The following FAM163B variants were observed in gnomAD, a reference collection of about 807,000 sequenced individuals.
FAM163B encodes the protein protein FAM163B.
Under a neutral mutation model 7.6 loss-of-function variants are expected in FAM163B, and 4 were observed. The observed-to-expected ratio is 0.52, with a 90% confidence interval of 0.26 to 1.20. FAM163B has a LOEUF of 1.20. Among genes scored for constraint, FAM163B ranks in the 50% most tolerant of loss-of-function variants. FAM163B has a pLI of 0.14. For synonymous variants in FAM163B, 120 were observed against 111.6 expected (o/e 1.07, Z -0.47); for missense variants, 250 against 243.0 (o/e 1.03, Z -0.19).
intron 1 of FAM163B, among the ~76,000 whole-genome samples, chr9:133,583,788 C>T (rs984153966): frequency 6.6e-5 from 10 of 152,328 alleles, no homozygotes; most frequent in Non-Finnish European, 1.3e-4. Flanking sequence ...CCCTCCAACA[C>T]CCAGGCTGGT....
chr9:133,588,534 G>A (rs1440513531), intron 1 of FAM163B, among the ~76,000 whole-genome samples: 1 of 3,236 alleles, frequency 3.1e-4, no homozygotes, highest in Non-Finnish European at 7.0e-4. Context: ...GTGGGGGTGG[G>A]CTCAATGGTA....
At position 133,597,674 on chromosome 9, in the gene FAM163B, C is replaced by G. The variant is rs1831651174; in HGVS notation, c.-24+11403G>C. Among the ~76,000 whole-genome samples, 5 of 151,986 alleles carry G rather than the reference C, an allele frequency of 3.3e-5. No homozygotes were observed. The South Asian group carries it at 1.0e-3, about 32-fold the overall frequency. ...CACAAGAAACAAGAAGAAAACAACA[C>G]CAGGGAACATTATAATCAAATTGCT... is the stretch of plus-strand genomic sequence containing the variant. On this transcript the variant is annotated intron_variant, in intron 1 of 2. Transcript: ENST00000673969.
rs1441101869 is a variant in FAM163B at position 133,577,875 on chromosome 9, G to A, written c.*1147C>T. ...CCAGGAGACCTCAGCCTGGGTGGGC[G>A]CTTGGTGGAAAGTGGGCTCAGATGA... On this transcript the variant is annotated 3_prime_UTR_variant, in exon 3 of 3. Coordinates refer to ENST00000673969, the MANE Select transcript of FAM163B (RefSeq NM_001080515.3). 1.3e-5 allele frequency among the ~76,000 whole-genome samples: 2 copies of A among 152,196 alleles called. No individual in the cohort carries two copies. The highest frequency in any genetic ancestry group is 4.8e-5 in the African/African-American group (2 of 41,446).
At chr9:133,590,437 G>T (rs1287352041) in intron 1 of FAM163B, among the ~76,000 whole-genome samples, 1 of 151,914 alleles carries the variant, frequency 6.6e-6, no homozygotes, top group African/African-American at 2.4e-5. Flanking sequence ...GGGGCTCCCC[G>T]GTGCTTCAGT....
chr9:133,593,153 CT>C lies in FAM163B; in HGVS notation c.-23-12908del, dbSNP rs144820268. ...TGGGACCTGATGAAGGTTTCCCCCC[CT>C]GTATCGCTGTGCCCATTCTGCAGAT... On this transcript the variant is annotated intron_variant, in intron 1 of 2. Coordinates refer to ENST00000673969, the MANE Select transcript of FAM163B (RefSeq NM_001080515.3). 7.0e-3 allele frequency among the ~76,000 whole-genome samples: 1,067 copies of C among 152,348 alleles called. 10 individuals are homozygous for C. Among genetic ancestry groups the C allele is most frequent in the African/African-American group, 0.025 (1,027 of 41,572 alleles).
intron 1 of FAM163B, among the ~76,000 whole-genome samples, chr9:133,591,227 G>A (rs1021709783): frequency 6.6e-6 from 1 of 152,248 alleles, no homozygotes; most frequent in Non-Finnish European, 1.5e-5. Context: ...GCTATGCCCT[G>A]GCACTGGGCC....
chr9:133,588,219 G>A (rs79711692), intron 1 of FAM163B, among the ~76,000 whole-genome samples: 65,980 of 151,894 alleles, frequency 0.43, 15,197 homozygotes, highest in East Asian at 0.9. Flanking sequence ...ACCGAGTCGG[G>A]GATCGTGGGA....
chr9:133,585,205 A>T (rs1831416470), intron 1 of FAM163B, among the ~76,000 whole-genome samples: 1 of 152,138 alleles, frequency 6.6e-6, no homozygotes, highest in African/African-American at 2.4e-5. Flanking sequence ...GGCACCGAGG[A>T]ATGAATGGCG....
At chr9:133,589,102 C>G (rs1831496791) in intron 1 of FAM163B, among the ~76,000 whole-genome samples, 1 of 152,174 alleles carries the variant, frequency 6.6e-6, no homozygotes, top group Admixed American at 6.5e-5. Context: ...CGGAAAATAC[C>G]CCCTGGGAAA....
rs748473725 is a variant in FAM163B at position 133,607,000 on chromosome 9, C to T, written c.-24+2077G>A. ...AGAGCCAGCCCCTAAATATACAAAA[C>T]GGGGGTGATCATGTGAGTAGGGAGT... On this transcript the variant is annotated intron_variant, in intron 1 of 2. Coordinates refer to ENST00000673969, the MANE Select transcript of FAM163B (RefSeq NM_001080515.3). The surrounding 1 kb of genome is among the most constrained non-coding windows in gnomAD (Gnocchi z 4.0). Among the ~76,000 whole-genome samples, 3 of 152,112 alleles carry T rather than the reference C, an allele frequency of 2.0e-5. No individual in the cohort carries two copies. Among genetic ancestry groups the T allele is most frequent in the Admixed American group, 1.3e-4 (2 of 15,282 alleles).
At chr9:133,603,216 G>A (rs2131263303) in intron 1 of FAM163B, among the ~76,000 whole-genome samples, 1 of 152,356 alleles carries the variant, frequency 6.6e-6, no homozygotes, top group East Asian at 1.9e-4. Context: ...TGAGGCCCTT[G>A]ACAAATGCTA....
intron 1 of FAM163B, among the ~76,000 whole-genome samples, chr9:133,603,269 C>T (rs1183003467): frequency 6.6e-6 from 1 of 152,226 alleles, no homozygotes; most frequent in African/African-American, 2.4e-5. Context: ...TCCCCTACTG[C>T]TGTGGGTCCA....
At chr9:133,591,707 G>A (rs1307676167) in intron 1 of FAM163B, among the ~76,000 whole-genome samples, 1 of 152,292 alleles carries the variant, frequency 6.6e-6, no homozygotes, top group Non-Finnish European at 1.5e-5. Flanking sequence ...GCACACTGGG[G>A]GAGCACACTG....
chr9:133,602,481 C>T (rs1831742581), intron 1 of FAM163B, among the ~76,000 whole-genome samples: 1 of 152,102 alleles, frequency 6.6e-6, no homozygotes, highest in African/African-American at 2.4e-5. Context: ...CCTCTTCTGG[C>T]AGCTGGGCAA....
At chr9:133,590,842 A>G (rs1396336555) in intron 1 of FAM163B, among the ~76,000 whole-genome samples, 1 of 152,218 alleles carries the variant, frequency 6.6e-6, no homozygotes, top group Non-Finnish European at 1.5e-5. Context: ...AGGGGCCGAC[A>G]GAACAGCATT....
In FAM163B at chr9:133,601,537, AC is replaced by A. The variant is rs895668044; in HGVS notation, c.-24+7539del. ...CTGGAGTTCCCTTCCGATTACTGAA[AC>A]CCCCATAACTGGAGAATTTCGGGTG... On this transcript the variant is annotated intron_variant, in intron 1 of 2. Coordinates refer to ENST00000673969, the MANE Select transcript of FAM163B (RefSeq NM_001080515.3). This position sits in a 1 kb window ranked among gnomAD's most constrained non-coding sequence, Gnocchi z 4.1. Among the ~76,000 whole-genome samples the A allele has an allele frequency of 1.3e-5, 2 of 151,608 alleles. No homozygotes were observed. Among genetic ancestry groups the A allele is most frequent in the African/African-American group, 4.9e-5 (2 of 41,202 alleles).
At position 133,579,025 on chromosome 9, in the gene FAM163B, CACGTCGGTGCTGAT is replaced by C; in HGVS notation, c.484_497del (p.Ile162ValfsTer59). On this transcript the variant is annotated frameshift_variant, in exon 3 of 3. Transcript: ENST00000673969. LOFTEE classifies it high-confidence loss of function. The stretch of plus-strand genomic sequence containing the variant: ...GGATCCCGGGGGCGGGCCCAGGTCA[CACGTCGGTGCTGAT>C]GCTGCGGCTCCTGGCGAAGGCCTCC... 9.2e-6 allele frequency: 14 copies of C among 1,526,142 alleles called. No individual in the cohort carries two copies. Among genetic ancestry groups the C allele is most frequent in the Non-Finnish European group, 1.2e-5 (14 of 1,137,084 alleles). 94.5% of individuals were successfully genotyped at this position (1,526,142 alleles called of 1,614,324 possible). A position where few individuals can be genotyped will look rare whatever the true frequency, so the allele number is the denominator to read the frequency against.
Position 133,580,292 on chromosome 9 carries a change from CA to C in FAM163B, c.-23-47del. On this transcript the variant is annotated intron_variant, in intron 1 of 2. Coordinates refer to ENST00000673969, the MANE Select transcript of FAM163B (RefSeq NM_001080515.3). ...TTTAGAGCATCACGCTTCCTCACCA[CA>C]AAAGTCACTCGTGCTATTCTAGAGA... 2.9e-6 allele frequency: 4 copies of C among 1,394,590 alleles called. No individual in the cohort carries two copies. In the South Asian group the frequency reaches 4.7e-5, roughly 16 times the overall value. The allele number at this position is 1,394,590 out of a possible 1,614,324, so 86.4% of individuals were successfully genotyped here. A position where few individuals can be genotyped will look rare whatever the true frequency, so the allele number is the denominator to read the frequency against.
chr9:133,594,197 G>A lies in FAM163B; in HGVS notation c.-23-13951C>T, dbSNP rs147092960. On this transcript the variant is annotated intron_variant, in intron 1 of 2. Transcript: ENST00000673969. ...TTCCTTTACAGCGCATTTGTTTCCCGTAAGGCATCCCCATCAGTCCATCCA... is the reference window on the plus strand; with the variant it reads ...TTCCTTTACAGCGCATTTGTTTCCCATAAGGCATCCCCATCAGTCCATCCA... Among the ~76,000 whole-genome samples the A allele has an allele frequency of 3.0e-4, 45 of 152,314 alleles. No homozygotes were observed. The East Asian group carries it at 6.6e-3, about 22-fold the overall frequency.
Sources: gnomAD v4.1 joint callset for allele counts (sites outside exome capture counted in the v4.1 genomes callset) on GRCh38, gnomAD v4.1.1 for gene constraint, Gnocchi (gnomAD v3.1) non-coding constraint, MANE v1.5 for transcripts, NCBI Gene and HGNC (gene_info 2026-07-23, HGNC 2026-07-21) for gene names.